Variants in KIR2DL4 observed in about 807,000 individuals in gnomAD.
KIR2DL4 encodes killer cell immunoglobulin-like receptor 2DL4.
Under a neutral mutation model 31.0 loss-of-function variants are expected in KIR2DL4, and 41 were observed. That is an observed-to-expected ratio of 1.32 (90% CI 1.03 to 1.72). The LOEUF is 1.72. Ranked by LOEUF, KIR2DL4 falls within the 40% of genes most tolerant of loss-of-function variation. KIR2DL4 has a pLI of 0.00. For missense variants in KIR2DL4, 438 were observed against 353.7 expected, an observed-to-expected ratio of 1.24 and a Z score of -1.91; for synonymous variants, 164 against 133.6, an observed-to-expected ratio of 1.23 and a Z score of -1.57.
At chr19:54,805,928 G>C in intron 3 of KIR2DL4, 23 bp from the exon 4 acceptor site, 2 of 1,585,190 alleles carry the variant, frequency 1.3e-6, no homozygotes, top group Non-Finnish European at 8.6e-7. Flanking sequence ...CCTCCCTGAG[G>C]AAACTGCCTC....
rs1349113870 is a variant in KIR2DL4, at chr19:54,812,843, C to T, written c.707-282C>T. On this transcript the variant is annotated intron_variant, in intron 5 of 7. Transcript: ENST00000359085. ...GATGGATCCACCCCCATGACCAAAA[C>T]ACCCCTCCCAATAGGCACAACTCCC... Among the ~76,000 whole-genome samples, 3 of 79,296 alleles carry T rather than the reference C, an allele frequency of 3.8e-5. 1 individual carries two copies. Among genetic ancestry groups the T allele is most frequent in the African/African-American group, 1.5e-4 (2 of 13,582 alleles). The allele number at this position is 79,296 out of a possible 152,430, so 52.0% of individuals were successfully genotyped here. A position where few individuals can be genotyped will look rare whatever the true frequency, so the allele number is the denominator to read the frequency against.
chr19:54,810,680 A>G (rs113577571), intron 5 of KIR2DL4, among the ~76,000 whole-genome samples: 2,759 of 151,144 alleles, frequency 0.018, 154 homozygotes, highest in African/African-American at 0.063. Flanking sequence ...GTGGAGAGAC[A>G]GAGAGCACAC....
intron 4 of KIR2DL4, among the ~76,000 whole-genome samples, chr19:54,807,517 A>T (rs1161064603): frequency 1.3e-5 from 2 of 150,892 alleles, no homozygotes; most frequent in Non-Finnish European, 2.9e-5. Flanking sequence ...GGCTCACTGC[A>T]ACCTCTACCT....
At chr19:54,812,396 C>T (rs1209107705) in intron 5 of KIR2DL4, among the ~76,000 whole-genome samples, 1 of 151,374 alleles carries the variant, frequency 6.6e-6, no homozygotes, top group African/African-American at 2.4e-5. Context: ...ACAGGGAACA[C>T]TCAGCTAAAG....
chr19:54,813,996 C>T lies in KIR2DL4; in HGVS notation c.*196C>T, dbSNP rs374021043. 2,856 of 1,611,998 alleles carry T rather than the reference C, an allele frequency of 1.8e-3. 145 individuals carry two copies. The African/African-American group carries it at 0.033, about 18-fold the overall frequency. On this transcript the variant is annotated 3_prime_UTR_variant, in exon 8 of 8. Transcript: ENST00000359085. ...GAACTTCCAAATGCTGAGCCCAGAG[C>T]GTTGTCTCCTGCCCATGAGCACCAC...
chr19:54,814,042 T>A, exon 8 of KIR2DL4: 1 of 1,612,292 alleles, frequency 6.2e-7, no homozygotes, highest in Non-Finnish European at 8.5e-7. Context: ...TGATGGGATC[T>A]TCTAGGGAGA....
intron 6 of KIR2DL4, 96 bp from the exon 6 acceptor site, chr19:54,813,594 G>T (rs571361166): frequency 1.6e-6 from 2 of 1,285,722 alleles, no homozygotes; most frequent in Admixed American, 1.8e-5. Flanking sequence ...GGGACCTCAG[G>T]CACCTATGGC....
At chr19:54,805,576 T>A (rs2060464655) in intron 3 of KIR2DL4, among the ~76,000 whole-genome samples, 1 of 151,504 alleles carries the variant, frequency 6.6e-6, no homozygotes, top group East Asian at 1.9e-4. Context: ...ATGCCTTGAT[T>A]GTAGCCCAGG....
chr19:54,808,875 T>C lies in KIR2DL4; in HGVS notation c.698T>C (p.Phe233Ser), dbSNP rs1465997687. The C allele has an allele frequency of 3.1e-6, 5 of 1,604,250 alleles. No homozygotes were observed. In the African/African-American group the frequency reaches 6.8e-5, roughly 22 times the overall value. Residue 233 changes from phenylalanine (F) to serine (S), a missense_variant, in exon 5 of 8, where the codon TTC becomes TCC. Transcript: ENST00000359085. ...TGGCCTTCACCCACTGAACCAAGCT[T>C]CAAAACTGGTAAGTGAAGGACCCCT...
chr19:54,805,585 G>A (rs1211103866), intron 3 of KIR2DL4, among the ~76,000 whole-genome samples: 2 of 151,392 alleles, frequency 1.3e-5, no homozygotes. Context: ...TTGTAGCCCA[G>A]GAAGAACAGG....
chr19:54,810,125 G>T (rs1365362806), intron 5 of KIR2DL4, among the ~76,000 whole-genome samples: 3 of 142,324 alleles, frequency 2.1e-5, no homozygotes, highest in African/African-American at 5.2e-5. Flanking sequence ...TTGATTGATT[G>T]GTTGTTTTTA....
chr19:54,804,766 C>A (rs1034685088), intron 2 of KIR2DL4, 27 bp from the exon 3 acceptor site: 1 of 1,605,998 alleles, frequency 6.2e-7, no homozygotes, highest in Non-Finnish European at 8.5e-7. Flanking sequence ...ATACTCCTCT[C>A]TGAGGCGGCA....
At chr19:54,813,864 A>G (rs776922470) in exon 8 of KIR2DL4, 1 of 1,612,486 alleles carries the variant, frequency 6.2e-7, no homozygotes, top group South Asian at 1.1e-5. Context: ...CAAGACCCTC[A>G]GGAGGTGACA....
At chr19:54,813,728 A>G (rs2061020527) in exon 7 of KIR2DL4, 3 of 1,612,014 alleles carry the variant, frequency 1.9e-6, no homozygotes, top group Non-Finnish European at 2.5e-6. Flanking sequence ...GGGACACAGA[A>G]CAGTGAACAG....
rs2060684533 is a variant in KIR2DL4 at position 54,808,840 on chromosome 19, T to C, written c.663T>C (p.Pro221=). The change falls in exon 5 of 8, where the codon CCT becomes CCC. Residue 221 remains proline, a synonymous_variant. Transcript: ENST00000359085. ...TCCTGTCCCGTGTTCTAGGAAACCC[T>C]TCTAGTAGTTGGCCTTCACCCACTG... The C allele has an allele frequency of 4.4e-6, 7 of 1,591,112 alleles. 2 individuals carry two copies. The South Asian group carries it at 7.8e-5, about 18-fold the overall frequency.
chr19:54,810,083 A>T (rs2060767844), intron 5 of KIR2DL4, among the ~76,000 whole-genome samples: 1 of 149,380 alleles, frequency 6.7e-6, no homozygotes, highest in African/African-American at 2.5e-5. Flanking sequence ...TAAATGAATG[A>T]TCCATTGGGA....
intron 4 of KIR2DL4, among the ~76,000 whole-genome samples, chr19:54,806,610 C>A (rs951788005): frequency 2.0e-5 from 3 of 151,360 alleles, no homozygotes; most frequent in African/African-American, 4.9e-5. Context: ...CACCAGCAAC[C>A]CCTACACTTT....
chr19:54,814,311 C>A, exon 8 of KIR2DL4: 1 of 610,210 alleles, frequency 1.6e-6, no homozygotes. Context: ...CTACTTGAGG[C>A]TGCAATCACA....
Position 54,805,739 on chromosome 19 carries a change from G to A in KIR2DL4, c.362-212G>A, listed in dbSNP as rs531711276. 2.0e-3 allele frequency among the ~76,000 whole-genome samples: 295 copies of A among 151,204 alleles called. 7 individuals are homozygous for A. The highest frequency in any genetic ancestry group is 6.8e-3 in the African/African-American group (280 of 40,942). Reference sequence around the variant, plus strand: ...GTTAAAAAACCAAACAAGAAGGTTGGCTACCCTGAGATCAGCAAGGGTGCA... The same window carrying A: ...GTTAAAAAACCAAACAAGAAGGTTGACTACCCTGAGATCAGCAAGGGTGCA... On this transcript the variant is annotated intron_variant, in intron 3 of 7. Transcript: ENST00000359085.
Sources: allele counts gnomAD v4.1 joint callset (sites outside exome capture counted in the v4.1 genomes callset), GRCh38; gene constraint gnomAD v4.1.1; transcripts MANE v1.5; gene names NCBI Gene and HGNC (gene_info 2026-07-23, HGNC 2026-07-21).